The following TSPAN11 variants were observed in gnomAD, a reference collection of about 807,000 sequenced individuals.
TSPAN11 encodes the protein tetraspanin 11.
In TSPAN11, 29 loss-of-function variants were observed where a neutral mutation model predicts 32.9. That is an observed-to-expected ratio of 0.88 (90% CI 0.66 to 1.20). TSPAN11 has a LOEUF of 1.20. TSPAN11 is among the 50% of genes most tolerant of loss of function. TSPAN11 has a pLI of 0.00. For synonymous variants in TSPAN11, 140 were observed against 141.3 expected, an observed-to-expected ratio of 0.99 and a Z score of 0.07; for missense variants, 283 against 329.1, an observed-to-expected ratio of 0.86 and a Z score of 1.08.
rs1021739212 is a variant in TSPAN11 at position 30,979,682 on chromosome 12, C to A, written c.456+12C>A. The A allele has an allele frequency of 1.2e-5, 20 of 1,613,562 alleles. No homozygotes were observed. The highest frequency in any genetic ancestry group is 1.7e-5 in the Non-Finnish European group (20 of 1,179,508). ...GACTCCAGCAGGATGTAAGCCATGC[C>A]CCATATGGCCTTGAAGGCCAAGCCC... On this transcript the variant is annotated intron_variant, in intron 5 of 7. Transcript: ENST00000546076.
intron 1 of TSPAN11, among the ~76,000 whole-genome samples, chr12:30,943,663 C>T (rs1056334462): frequency 1.3e-5 from 2 of 152,226 alleles, no homozygotes; most frequent in African/African-American, 2.4e-5. Context: ...ACCAAGCTTG[C>T]TTGATTCTCA....
In TSPAN11 at chr12:30,979,618, G is replaced by A; in HGVS notation, c.404G>A (p.Gly135Glu). ...HLNRTLAENY[G>E]QPGATQITAS... ...AACCGGACTCTGGCTGAGAACTACG[G>A]GCAGCCCGGAGCCACGCAGATCACC... The change falls in exon 5 of 8, where the codon GGG becomes GAG. Residue 135 changes from glycine to glutamate, a missense_variant. Gly to Glu is a moderately conservative substitution (Grantham distance 98). Coordinates refer to ENST00000546076, the MANE Select transcript of TSPAN11 (RefSeq NM_001370302.1). 6.2e-7 allele frequency: 1 copy of A among 1,614,172 alleles called. No individual in the cohort carries two copies. Among genetic ancestry groups the A allele is most frequent in the Non-Finnish European group, 8.5e-7 (1 of 1,180,040 alleles).
At chr12:30,941,958 T>G (rs1479430445) in intron 1 of TSPAN11, among the ~76,000 whole-genome samples, 1 of 152,240 alleles carries the variant, frequency 6.6e-6, no homozygotes, top group Non-Finnish European at 1.5e-5. Context: ...GCCAGTTTGC[T>G]TTGTTAAACT....
chr12:30,993,033 G>C lies in TSPAN11; in HGVS notation c.*1118G>C, dbSNP rs1000720997. 1 of 152,220 alleles carries C rather than the reference G, an allele frequency of 6.6e-6. No individual in the cohort carries two copies. Among genetic ancestry groups the C allele is most frequent in the Non-Finnish European group, 1.5e-5 (1 of 68,046 alleles). The allele number at this position is 152,220 out of a possible 1,614,324, so 9.4% of individuals were successfully genotyped here. On this transcript the variant is annotated 3_prime_UTR_variant, in exon 8 of 8. Transcript: ENST00000546076. ...GAATTTTCAGGAAGAACTTTCCCCA[G>C]TAATAAGGGAGAACAGAAAGAAAAT... is the stretch of plus-strand genomic sequence containing the variant.
intron 1 of TSPAN11, among the ~76,000 whole-genome samples, chr12:30,944,798 T>C (rs1396136003): frequency 6.6e-6 from 1 of 152,218 alleles, no homozygotes; most frequent in East Asian, 1.9e-4. Context: ...AAGCACCAAG[T>C]TCCCCAGAAG....
At chr12:31,014,958 G>A in the TSPAN11 span, among the ~76,000 whole-genome samples, 4 of 152,140 alleles carry the variant, frequency 2.6e-5, no homozygotes, top group African/African-American at 7.2e-5. Context: ...CTTCCATCAG[G>A]GAGTTTTGTA....
intron 3 of TSPAN11, among the ~76,000 whole-genome samples, chr12:30,972,300 G>A (rs1938867634): frequency 6.6e-6 from 1 of 152,148 alleles, no homozygotes; most frequent in South Asian, 2.1e-4. Context: ...GAGCCAGGAG[G>A]GCAAGCAGGG....
chr12:31,003,731 G>A, the TSPAN11 span, among the ~76,000 whole-genome samples: 8 of 152,062 alleles, frequency 5.3e-5, no homozygotes, highest in East Asian at 5.8e-4. Flanking sequence ...TGGGGTTCCC[G>A]GGGAGGACTC....
chr12:30,959,779 C>CAAA (rs1169712019), intron 2 of TSPAN11, among the ~76,000 whole-genome samples: 6 of 39,658 alleles, frequency 1.5e-4, no homozygotes, highest in Non-Finnish European at 2.8e-4. Context: ...GACTCTGTCT[C>CAAA]AAAAAAAAAA....
rs544243735 is a variant in TSPAN11 at position 30,975,459 on chromosome 12, C to T, written c.277-3102C>T. Among the ~76,000 whole-genome samples the T allele has an allele frequency of 6.6e-6, 1 of 152,142 alleles. No individual in the cohort carries two copies. Among genetic ancestry groups the T allele is most frequent in the Admixed American group, 6.5e-5 (1 of 15,284 alleles). ...CTCCCCTTCCAGGCATCTTAACACA[C>T]TGGAGCTCGAGAAGGCTATCCCCAC... On this transcript the variant is annotated intron_variant, in intron 3 of 7. Coordinates refer to ENST00000546076, the MANE Select transcript of TSPAN11 (RefSeq NM_001370302.1). The surrounding 1 kb of genome is among the most constrained non-coding windows in gnomAD (Gnocchi z 4.5).
chr12:30,984,392 A>G (rs183611803), intron 7 of TSPAN11, among the ~76,000 whole-genome samples: 3 of 152,178 alleles, frequency 2.0e-5, no homozygotes, highest in Non-Finnish European at 4.4e-5. Context: ...CCTGCAACCC[A>G]CTTACGAAGT....
chr12:31,003,111 A>C, the TSPAN11 span, among the ~76,000 whole-genome samples: 4 of 152,262 alleles, frequency 2.6e-5, no homozygotes, highest in East Asian at 7.7e-4. Flanking sequence ...AATTGTTTGC[A>C]TCAGACCTGA....
intron 2 of TSPAN11, among the ~76,000 whole-genome samples, chr12:30,958,560 T>C (rs1384071865): frequency 3.3e-5 from 5 of 152,128 alleles, no homozygotes; most frequent in Admixed American, 3.3e-4. Context: ...GGCTGCAGTC[T>C]AAGGTTCAGC....
intron 2 of TSPAN11, among the ~76,000 whole-genome samples, chr12:30,955,917 G>C (rs751242176): frequency 1.3e-5 from 2 of 152,210 alleles, no homozygotes; most frequent in Non-Finnish European, 2.9e-5. Flanking sequence ...CACATTCACA[G>C]GTACCAAGGG....
At chr12:30,977,779 G>A (rs1939005934) in intron 3 of TSPAN11, among the ~76,000 whole-genome samples, 1 of 152,144 alleles carries the variant, frequency 6.6e-6, no homozygotes, top group Non-Finnish European at 1.5e-5. Context: ...CCTTCTACAG[G>A]TCACACTGAA....
intron 1 of TSPAN11, among the ~76,000 whole-genome samples, chr12:30,952,336 G>A (rs4930946): frequency 0.25 from 38,313 of 152,104 alleles, 5,885 homozygotes; most frequent in Admixed American, 0.35. Flanking sequence ...CCGTGAAATC[G>A]CTCCCATTAG....
At chr12:30,984,732 T>G (rs1939168088) in intron 7 of TSPAN11, among the ~76,000 whole-genome samples, 1 of 152,098 alleles carries the variant, frequency 6.6e-6, no homozygotes, top group East Asian at 1.9e-4. Flanking sequence ...TAGTTTTGTA[T>G]TTTTAGTAGA....
At chr12:30,979,533 C>T (rs139774361) in intron 4 of TSPAN11, 33 bp from the exon 5 acceptor site, 10 of 1,607,924 alleles carry the variant, frequency 6.2e-6, no homozygotes, top group African/African-American at 4.0e-5. Context: ...GGGCTGGTCC[C>T]GCTGATGGGG....
At chr12:30,974,604 G>A (rs1203899080) in intron 3 of TSPAN11, among the ~76,000 whole-genome samples, 1 of 152,232 alleles carries the variant, frequency 6.6e-6, no homozygotes, top group East Asian at 1.9e-4. Flanking sequence ...CTTTATCAGG[G>A]GATGTCTGCT....
Sources: allele counts gnomAD v4.1 joint callset (sites outside exome capture counted in the v4.1 genomes callset), GRCh38; gene constraint gnomAD v4.1.1; non-coding constraint Gnocchi (gnomAD v3.1); transcripts MANE v1.5; gene names NCBI Gene and HGNC (gene_info 2026-07-23, HGNC 2026-07-21).